Variants in CNTN1 observed in about 807,000 individuals in gnomAD.
CNTN1 encodes the protein contactin-1.
Under a neutral mutation model 126.4 loss-of-function variants are expected in CNTN1, and 38 were observed. The ratio of observed to expected loss-of-function variants is 0.30; its 90% CI spans 0.23 to 0.39. The LOEUF (loss-of-function observed/expected upper bound fraction) is 0.39. CNTN1 is among the 10% of genes least tolerant of loss of function. The pLI is 1.00. For synonymous variants in CNTN1, 413 were observed against 422.6 expected (o/e 0.98, Z 0.28); for missense variants, 1,009 against 1,248.4 (o/e 0.81, Z 2.89).
intron 1 of CNTN1, among the ~76,000 whole-genome samples, chr12:40,894,903 C>G (rs961772914): frequency 6.6e-5 from 10 of 152,166 alleles, no homozygotes; most frequent in Admixed American, 5.2e-4. Context: ...GGTTTTTGAA[C>G]TGGCATATTT....
At chr12:40,961,619 A>T (rs7979570) in intron 15 of CNTN1, among the ~76,000 whole-genome samples, 1 of 151,610 alleles carries the variant, frequency 6.6e-6, no homozygotes, top group Non-Finnish European at 1.5e-5. Context: ...GTGTATGTAC[A>T]TTTTCCTGGG....
intron 23 of CNTN1, among the ~76,000 whole-genome samples, chr12:41,043,656 C>T (rs2120970808): frequency 6.6e-6 from 1 of 152,152 alleles, no homozygotes. Context: ...TGGGTATATA[C>T]CCAAAGGACT....
At chr12:40,955,458 C>A (rs1946840532) in intron 14 of CNTN1, among the ~76,000 whole-genome samples, 1 of 151,984 alleles carries the variant, frequency 6.6e-6, no homozygotes, top group South Asian at 2.1e-4. Context: ...TGAAATATAT[C>A]ATTCCTGGTA....
In CNTN1 at chr12:40,825,110, A is replaced by T. The variant is rs190639398; in HGVS notation, c.-76-83247A>T. ...TCTAGTGCAATTCCTTGTGTGTAGA[A>T]GGTACACAATAAATATTTTTAATTA... On this transcript the variant is annotated intron_variant, in intron 1 of 23. Coordinates refer to ENST00000551295, the MANE Select transcript of CNTN1 (RefSeq NM_001843.4). Among the ~76,000 whole-genome samples, 156 of 152,276 alleles carry T rather than the reference A, an allele frequency of 1.0e-3. 1 individual carries two copies. The highest frequency in any genetic ancestry group is 3.6e-3 in the African/African-American group (149 of 41,574).
At chr12:40,727,545 C>A (rs570661409) in intron 1 of CNTN1, among the ~76,000 whole-genome samples, 471 of 151,460 alleles carry the variant, frequency 3.1e-3, no homozygotes, top group African/African-American at 0.011. Flanking sequence ...ATAATATAAA[C>A]ATATTGGATT....
At chr12:40,913,764 G>A (rs531355918) in intron 3 of CNTN1, among the ~76,000 whole-genome samples, 6 of 152,248 alleles carry the variant, frequency 3.9e-5, no homozygotes, top group South Asian at 4.1e-4. Flanking sequence ...TATTAATGGC[G>A]AAAGTGAGAA....
intron 1 of CNTN1, among the ~76,000 whole-genome samples, chr12:40,700,067 T>C (rs1450916859): frequency 6.6e-6 from 1 of 152,178 alleles, no homozygotes; most frequent in Non-Finnish European, 1.5e-5. Flanking sequence ...GCTTTAAACA[T>C]ATTTTAAAGT....
chr12:41,035,396 C>G (rs1713034526), intron 23 of CNTN1, among the ~76,000 whole-genome samples: 2 of 152,022 alleles, frequency 1.3e-5, no homozygotes, highest in African/African-American at 4.8e-5. Flanking sequence ...TACAGATTTT[C>G]AAAAACATTT....
intron 14 of CNTN1, among the ~76,000 whole-genome samples, chr12:40,953,877 A>G (rs1215157007): frequency 6.6e-6 from 1 of 152,118 alleles, no homozygotes; most frequent in East Asian, 1.9e-4. Context: ...AAAGATAGCA[A>G]TTTCATTAAG....
intron 14 of CNTN1, among the ~76,000 whole-genome samples, chr12:40,956,806 G>A (rs1946901503): frequency 6.6e-6 from 1 of 152,018 alleles, no homozygotes; most frequent in East Asian, 1.9e-4. Flanking sequence ...AAGTGAGTTG[G>A]GCCCAGCTGC....
At chr12:40,771,746 A>G (rs1390394960) in intron 1 of CNTN1, among the ~76,000 whole-genome samples, 1 of 151,998 alleles carries the variant, frequency 6.6e-6, no homozygotes, top group Non-Finnish European at 1.5e-5. Context: ...TGGGTGGTGT[A>G]TTTATGAGGT....
At chr12:40,742,901 AC>A (rs1054354891) in intron 1 of CNTN1, among the ~76,000 whole-genome samples, 2 of 152,072 alleles carry the variant, frequency 1.3e-5, no homozygotes, top group African/African-American at 4.8e-5. Flanking sequence ...AATGAGTAAG[AC>A]CCAATCCCTA....
At chr12:40,835,799 T>C (rs948339473) in intron 1 of CNTN1, among the ~76,000 whole-genome samples, 26 of 142,448 alleles carry the variant, frequency 1.8e-4, no homozygotes, top group African/African-American at 5.8e-4. Flanking sequence ...ATGCTATTTA[T>C]ACACACACAC....
intron 1 of CNTN1, among the ~76,000 whole-genome samples, chr12:40,767,306 T>TG (rs1939135951): frequency 7.7e-6 from 1 of 129,520 alleles, no homozygotes; most frequent in Non-Finnish European, 1.7e-5. Context: ...GACCTTTCCT[T>TG]TTTTTTTTTT....
intron 1 of CNTN1, among the ~76,000 whole-genome samples, chr12:40,800,109 A>C (rs2136482171): frequency 6.6e-6 from 1 of 152,082 alleles, no homozygotes; most frequent in South Asian, 2.1e-4. Context: ...CCACGTGTCA[A>C]GGGTGGGACC....
At chr12:40,857,348 T>C (rs774497926) in intron 1 of CNTN1, among the ~76,000 whole-genome samples, 1 of 152,114 alleles carries the variant, frequency 6.6e-6, no homozygotes, top group Non-Finnish European at 1.5e-5. Context: ...GCAAAGGCAG[T>C]ATGGGCAGGT....
chr12:40,779,304 G>GT (rs1163796138), intron 1 of CNTN1, among the ~76,000 whole-genome samples: 1 of 151,670 alleles, frequency 6.6e-6, no homozygotes, highest in Admixed American at 6.6e-5. Context: ...TTAGCAATTT[G>GT]TTTTGTGTGC....
chr12:40,879,314 A>T (rs1021238774), intron 1 of CNTN1, among the ~76,000 whole-genome samples: 29 of 152,188 alleles, frequency 1.9e-4, no homozygotes, highest in African/African-American at 7.0e-4. Flanking sequence ...GGATTTTCCA[A>T]TATTCTTCCT....
intron 1 of CNTN1, among the ~76,000 whole-genome samples, chr12:40,745,786 G>A (rs895949198): frequency 3.3e-5 from 5 of 152,074 alleles, no homozygotes; most frequent in African/African-American, 1.2e-4. Context: ...AAACATATTC[G>A]GGGTTAAAAT....
Sources: gnomAD v4.1 joint callset for allele counts (sites outside exome capture counted in the v4.1 genomes callset) on GRCh38, gnomAD v4.1.1 for gene constraint, MANE v1.5 for transcripts, NCBI Gene and HGNC (gene_info 2026-07-23, HGNC 2026-07-21) for gene names.